Variants in LINGO3 observed in about 807,000 individuals in gnomAD.
The protein encoded by LINGO3 is leucine rich repeat and Ig domain containing 3.
For synonymous variants in LINGO3, 427 were observed against 444.2 expected (o/e 0.96, Z 0.49); for missense variants, 750 against 867.7 (o/e 0.86, Z 1.70).
upstream of LINGO3, among the ~76,000 whole-genome samples, chr19:2,295,294 G>A (rs1327124819): frequency 6.6e-6 from 1 of 152,144 alleles, no homozygotes; most frequent in East Asian, 1.9e-4. Flanking sequence ...GGCAGAGACT[G>A]GAGTGATTCA....
chr19:2,305,617 C>G, the LINGO3 span, among the ~76,000 whole-genome samples: 9 of 152,162 alleles, frequency 5.9e-5, no homozygotes, highest in African/African-American at 2.2e-4. Context: ...GCAAGGGATG[C>G]TGACATCTCC....
At chr19:2,306,207 G>A in the LINGO3 span, among the ~76,000 whole-genome samples, 6 of 152,202 alleles carry the variant, frequency 3.9e-5, no homozygotes, top group African/African-American at 1.4e-4. Flanking sequence ...GAGGGTCAGA[G>A]TGGGCCCCAG....
At chr19:2,287,297 C>T (rs968791820), downstream of LINGO3, among the ~76,000 whole-genome samples, 12 of 152,018 alleles carry the variant, frequency 7.9e-5, no homozygotes, top group African/African-American at 2.7e-4. The surrounding 1 kb of genome is among the most constrained non-coding windows in gnomAD (Gnocchi z 4.5). Context: ...TCCTAATATA[C>T]GGATGCTCTG....
downstream of LINGO3, chr19:2,289,714 A>G: frequency 6.5e-6 from 2 of 306,444 alleles, no homozygotes; most frequent in Non-Finnish European, 1.2e-5. Context: ...GGTAGACGGG[A>G]GCCCATCCCC....
chr19:2,305,713 C>G, the LINGO3 span, among the ~76,000 whole-genome samples: 1 of 152,294 alleles, frequency 6.6e-6, no homozygotes, highest in South Asian at 2.1e-4. Context: ...GTTTCCAGGC[C>G]CACAGTGACC....
chr19:2,294,195 C>G (rs944683135), upstream of LINGO3, among the ~76,000 whole-genome samples: 16 of 152,164 alleles, frequency 1.1e-4, no homozygotes, highest in African/African-American at 3.9e-4. The surrounding 1 kb of genome is among the most constrained non-coding windows in gnomAD (Gnocchi z 4.3). Context: ...CGACTCCTGT[C>G]CTTACAACAA....
the LINGO3 span, among the ~76,000 whole-genome samples, chr19:2,301,693 CGAG>C: frequency 2.0e-5 from 3 of 151,944 alleles, no homozygotes; most frequent in South Asian, 4.2e-4. Context: ...TTTGGGAGGC[CGAG>C]GAGGGCGGAT....
downstream of LINGO3, among the ~76,000 whole-genome samples, chr19:2,288,259 C>T (rs1252603473): frequency 2.6e-5 from 4 of 152,188 alleles, no homozygotes; most frequent in Non-Finnish European, 5.9e-5. This position sits in a 1 kb window ranked among gnomAD's most constrained non-coding sequence, Gnocchi z 6.5. Context: ...CACCTTCTCC[C>T]GAGGACCCGG....
the LINGO3 span, among the ~76,000 whole-genome samples, chr19:2,308,120 GC>G: frequency 3.6e-5 from 5 of 140,536 alleles, no homozygotes; most frequent in Admixed American, 2.8e-4. Context: ...CGGCGCGGGG[GC>G]CGCCCGGAGC....
At chr19:2,307,104 C>T in the LINGO3 span, among the ~76,000 whole-genome samples, 21 of 152,192 alleles carry the variant, frequency 1.4e-4, no homozygotes, top group African/African-American at 5.1e-4. Context: ...AGGCTCCCCC[C>T]AGCCAAGCCC....
upstream of LINGO3, among the ~76,000 whole-genome samples, chr19:2,292,546 G>GGA (rs2025535718): frequency 6.6e-6 from 1 of 151,922 alleles, no homozygotes; most frequent in African/African-American, 2.4e-5. Context: ...CTGGAGTGCA[G>GGA]TGGCTTGATC....
rs2025527954 is a variant in LINGO3 at position 2,291,836 on chromosome 19, G to A, written c.-60C>T. 2 of 1,408,686 alleles carry A rather than the reference G, an allele frequency of 1.4e-6. No homozygotes were observed. Among genetic ancestry groups the A allele is most frequent in the Non-Finnish European group, 9.5e-7 (1 of 1,052,142 alleles). The allele number at this position is 1,408,686 out of a possible 1,614,324, so 87.3% of individuals were successfully genotyped here. On this transcript the variant is annotated 5_prime_UTR_variant, in exon 1 of 1. Transcript: ENST00000585527. ...CCTCCTGCGCACCTGCGGGCGGGCG[G>A]GGAGCGGGCAGCGTTAGCACCGTTA...
chr19:2,293,272 G>T (rs1356513286), upstream of LINGO3, among the ~76,000 whole-genome samples: 1 of 151,740 alleles, frequency 6.6e-6, no homozygotes, highest in Non-Finnish European at 1.5e-5. Flanking sequence ...CACCGTGTTA[G>T]CCAGGATGGT....
upstream of LINGO3, among the ~76,000 whole-genome samples, chr19:2,294,875 T>G (rs910239148): frequency 5.9e-5 from 9 of 152,058 alleles, no homozygotes; most frequent in Non-Finnish European, 1.3e-4. The surrounding 1 kb of genome is among the most constrained non-coding windows in gnomAD (Gnocchi z 4.3). Flanking sequence ...TTGCCCAGCT[T>G]CTTCTGCTTG....
upstream of LINGO3, chr19:2,292,034 A>G: frequency 2.1e-6 from 1 of 469,984 alleles, no homozygotes; most frequent in Non-Finnish European, 4.1e-6. Flanking sequence ...CAAAAAAATA[A>G]AAGATGAGCC....
chr19:2,291,476 G>A (rs758941206), exon 1 of LINGO3: 2 of 1,612,520 alleles, frequency 1.2e-6, no homozygotes, highest in East Asian at 2.2e-5. Flanking sequence ...AGGCGCGGCA[G>A]GTTGGCGAAG....
chr19:2,307,387 C>T, the LINGO3 span, among the ~76,000 whole-genome samples: 423 of 152,320 alleles, frequency 2.8e-3, 7 homozygotes, highest in East Asian at 1.4e-3. Context: ...TGTGCCCGGA[C>T]CAAGGCACGA....
the LINGO3 span, among the ~76,000 whole-genome samples, chr19:2,298,733 A>G: frequency 2.0e-5 from 3 of 150,124 alleles, no homozygotes; most frequent in East Asian, 2.0e-4. Flanking sequence ...TAGAGATGGG[A>G]TTTCACCATG....
upstream of LINGO3, among the ~76,000 whole-genome samples, chr19:2,296,854 C>A (rs1450712405): frequency 6.6e-6 from 1 of 150,814 alleles, no homozygotes; most frequent in Non-Finnish European, 1.5e-5. Context: ...TTTGGGAGGC[C>A]GAGGCGGGCA....
Sources: allele counts gnomAD v4.1 joint callset (sites outside exome capture counted in the v4.1 genomes callset), GRCh38; gene constraint gnomAD v4.1.1; non-coding constraint Gnocchi (gnomAD v3.1); transcripts MANE v1.5; gene names NCBI Gene and HGNC (gene_info 2026-07-23, HGNC 2026-07-21).